SMARCA1: variants seen among roughly 807,000 people sequenced by gnomAD.
The protein encoded by SMARCA1 is SWI/SNF-related matrix-associated actin-dependent regulator of chromatin subfamily A member 1.
A neutral mutation model predicts 93.6 loss-of-function variants in SMARCA1; 17 were observed. That is an observed-to-expected ratio of 0.18 (90% confidence interval 0.12 to 0.27). SMARCA1 has a LOEUF of 0.27. Among genes scored for constraint, SMARCA1 ranks in the 10% least tolerant of loss-of-function variants. The pLI, the probability that SMARCA1 is intolerant of heterozygous loss-of-function variation, is 1.00. For missense variants in SMARCA1, 630 were observed against 819.0 expected, an observed-to-expected ratio of 0.77 and a Z score of 2.82; for synonymous variants, 271 against 271.4, an observed-to-expected ratio of 1.00 and a Z score of 0.01.
intron 12 of SMARCA1, among the ~76,000 whole-genome samples, chrX:129,495,803 T>C (rs564126118): frequency 9.4e-6 from 1 of 106,378 alleles, no homozygotes; most frequent in South Asian, 4.5e-4. Context: ...AGAGTCTCAT[T>C]ATGTCACCCA....
intron 23 of SMARCA1, among the ~76,000 whole-genome samples, chrX:129,448,944 C>T (rs184545658): frequency 8.7e-4 from 94 of 107,606 alleles, no homozygotes; most frequent in African/African-American, 3.0e-3. Context: ...CAACTCTACA[C>T]ATGACAAAAC....
chrX:129,478,440 G>A (rs188977890), intron 19 of SMARCA1, among the ~76,000 whole-genome samples: 1 of 111,737 alleles, frequency 8.9e-6, no homozygotes, highest in Non-Finnish European at 1.9e-5. Context: ...GCAATAGCAC[G>A]AATTCCATGC....
At chrX:129,454,222 G>T (rs1309388203) in intron 23 of SMARCA1, among the ~76,000 whole-genome samples, 5 of 112,037 alleles carry the variant, frequency 4.5e-5, no homozygotes, top group Non-Finnish European at 9.4e-5. Flanking sequence ...ATGGTGCTGG[G>T]AAAACTGGCT....
At chrX:129,454,486 A>C (rs912608281) in intron 23 of SMARCA1, among the ~76,000 whole-genome samples, 2 of 112,135 alleles carry the variant, frequency 1.8e-5, no homozygotes, top group Non-Finnish European at 3.8e-5. Context: ...AAAAGAAACT[A>C]TCATCAGAGT....
chrX:129,486,867 CG>C (rs1205023105), intron 17 of SMARCA1, 150 bp downstream of exon 17: 1 of 492,230 alleles, frequency 2.0e-6, no homozygotes, highest in African/African-American at 2.4e-5. Flanking sequence ...ATAAAATAAA[CG>C]AAAGATATAC....
intron 16 of SMARCA1, among the ~76,000 whole-genome samples, chrX:129,488,549 AGTGAGTTATCATTGCACCACTGCAC>A (rs1415300547): frequency 9.5e-6 from 1 of 105,347 alleles, no homozygotes; most frequent in East Asian, 3.0e-4. Context: ...TGGAGACTAC[AGTGAGTTATCATTGCACCACTGCAC>A]TCCAGCCTGG....
rs756857459 is a variant in SMARCA1, at chrX:129,506,098, A to G, written c.1080T>C (p.Asp360=). The G allele has an allele frequency of 3.3e-6, 4 of 1,201,646 alleles. No individual in the cohort carries two copies. In the Admixed American group the frequency reaches 8.7e-5, roughly 26 times the overall value. ...LWALLNFLLP[D]VFNSADDFDS... is the part of the protein sequence containing the mutation. The stretch of plus-strand genomic sequence containing the variant: ...AACTTACATCTGCAGAATTAAAGAC[A>G]TCAGGCAATAAAAAGTTGAGTAAGG... Residue 360 remains aspartate (D), a synonymous_variant, in exon 8 of 25, where the codon GAT becomes GAC. Coordinates refer to ENST00000371121, the MANE Select transcript of SMARCA1 (RefSeq NM_001282874.2).
chrX:129,513,746 A>C (rs1177730957), intron 5 of SMARCA1, among the ~76,000 whole-genome samples: 12 of 109,636 alleles, frequency 1.1e-4, no homozygotes, highest in Non-Finnish European at 1.7e-4. Flanking sequence ...CTCTGAGCTG[A>C]CAACAGTCTT....
intron 17 of SMARCA1, among the ~76,000 whole-genome samples, chrX:129,483,166 C>A (rs771613268): frequency 8.9e-6 from 1 of 112,175 alleles, no homozygotes; most frequent in Non-Finnish European, 1.9e-5. Flanking sequence ...GTATTATGTG[C>A]AAGTCAGTGT....
Position 129,454,022 on chromosome X carries a change from C to T in SMARCA1, c.3031-5579G>A, listed in dbSNP as rs776180474. ...AAAAAGAACAAAGCTGGAGGCATCA[C>T]GCTACCTGACTTCAAACTATACTAC... On this transcript the variant is annotated intron_variant, in intron 23 of 24. Coordinates refer to ENST00000371121, the MANE Select transcript of SMARCA1 (RefSeq NM_001282874.2). 7.2e-5 allele frequency among the ~76,000 whole-genome samples: 8 copies of T among 111,700 alleles called. No individual in the cohort carries two copies. In the South Asian group the frequency reaches 2.3e-3, roughly 31 times the overall value.
At chrX:129,461,041 A>G (rs1480279489) in intron 23 of SMARCA1, among the ~76,000 whole-genome samples, 1 of 112,304 alleles carries the variant, frequency 8.9e-6, no homozygotes, top group Non-Finnish European at 1.9e-5. Flanking sequence ...CACAATTTTC[A>G]TTACATTGTA....
At position 129,456,130 on chromosome X, in the gene SMARCA1, C is replaced by T. The variant is rs151099091; in HGVS notation, c.3031-7687G>A. Among the ~76,000 whole-genome samples, 602 of 111,620 alleles carry T rather than the reference C, an allele frequency of 5.4e-3. 2 individuals are homozygous for T. Among genetic ancestry groups the T allele is most frequent in the African/African-American group, 0.018 (560 of 30,763 alleles). On this transcript the variant is annotated intron_variant, in intron 23 of 24. Transcript: ENST00000371121. ...GCTGGTGACTTTAAATTGAAACCAACGCTCATTTATTATTCTGAAAATCCT... is the reference window on the plus strand; with the variant it reads ...GCTGGTGACTTTAAATTGAAACCAATGCTCATTTATTATTCTGAAAATCCT...
intron 6 of SMARCA1, among the ~76,000 whole-genome samples, chrX:129,510,111 A>G (rs142705742): frequency 8.9e-6 from 1 of 112,162 alleles, no homozygotes; most frequent in East Asian, 2.8e-4. Flanking sequence ...GTAACTGGCA[A>G]TTATTGGTTT....
chrX:129,481,304 C>T, intron 17 of SMARCA1, 119 bp from the exon 18 acceptor site: 2 of 474,151 alleles, frequency 4.2e-6, no homozygotes, highest in Non-Finnish European at 3.6e-6. Flanking sequence ...AGAATCAAAA[C>T]TTGCCTTATA....
intron 9 of SMARCA1, among the ~76,000 whole-genome samples, chrX:129,500,087 A>G (rs1934494218): frequency 9.2e-6 from 1 of 108,957 alleles, no homozygotes; most frequent in African/African-American, 3.4e-5. Flanking sequence ...TAAGACAACA[A>G]GACTATTGGT....
At chrX:129,470,390 C>A (rs937695376) in intron 20 of SMARCA1, among the ~76,000 whole-genome samples, 3 of 108,675 alleles carry the variant, frequency 2.8e-5, no homozygotes, top group African/African-American at 1.0e-4. Context: ...CAATGATCAC[C>A]TTAAATAATA....
chrX:129,462,615 G>A (rs1246831102), intron 23 of SMARCA1, among the ~76,000 whole-genome samples: 2 of 111,019 alleles, frequency 1.8e-5, no homozygotes, highest in Non-Finnish European at 3.8e-5. Flanking sequence ...TAATACGATA[G>A]AAAAAGTAAT....
intron 7 of SMARCA1, 66 bp from the exon 8 acceptor site, chrX:129,506,277 T>A: frequency 1.2e-6 from 1 of 805,935 alleles, no homozygotes; most frequent in Non-Finnish European, 1.8e-6. Context: ...AGTTATACTG[T>A]AATTTATCCA....
intron 17 of SMARCA1, among the ~76,000 whole-genome samples, chrX:129,481,765 C>G (rs1406705277): frequency 9.0e-6 from 1 of 111,660 alleles, no homozygotes; most frequent in Non-Finnish European, 1.9e-5. Context: ...TTGTGGAAGT[C>G]AGTGTGGCGA....
Sources: allele counts gnomAD v4.1 joint callset (sites outside exome capture counted in the v4.1 genomes callset), GRCh38; gene constraint gnomAD v4.1.1; transcripts MANE v1.5; gene names NCBI Gene and HGNC (gene_info 2026-07-23, HGNC 2026-07-21).